The following PIAS2 variants were observed in gnomAD, a reference collection of about 807,000 sequenced individuals.
The protein encoded by PIAS2 is protein inhibitor of activated STAT 2.
Under a neutral mutation model 69.7 loss-of-function variants are expected in PIAS2, and 19 were observed. That is an observed-to-expected ratio of 0.27 (90% confidence interval 0.19 to 0.40). The LOEUF is 0.40. PIAS2 is among the 10% of genes least tolerant of loss of function. The pLI is 1.00. For missense variants in PIAS2, 624 were observed against 757.0 expected, an observed-to-expected ratio of 0.82 and a Z score of 2.06; for synonymous variants, 261 against 263.2, an observed-to-expected ratio of 0.99 and a Z score of 0.08.
chr18:46,880,617 T>TA (rs2052075774), intron 2 of PIAS2, among the ~76,000 whole-genome samples: 1 of 152,088 alleles, frequency 6.6e-6, no homozygotes, highest in African/African-American at 2.4e-5. Context: ...AAATAATTTT[T>TA]AAAAATTGGG....
intron 2 of PIAS2, among the ~76,000 whole-genome samples, chr18:46,876,171 G>A (rs913290156): frequency 3.3e-5 from 5 of 152,196 alleles, no homozygotes; most frequent in Admixed American, 6.5e-5. Context: ...CTTGTGCTCT[G>A]ATCCAATTGG....
In PIAS2 at chr18:46,890,959, C is replaced by T. The variant is rs771959981; in HGVS notation, c.120G>A (p.Arg40=). ...KSGRKHDLLM[R]ALHLLKSGCS... ...AGCCGCTCTTCAATAAATGCAGCGC[C>T]CTCATCAGGAGGTCATGCTTGCGTC... is the stretch of plus-strand genomic sequence containing the variant. Residue 40 remains arginine (R), a synonymous_variant, in exon 2 of 14, where the codon AGG becomes AGA. Transcript: ENST00000585916. 1 of 1,614,088 alleles carries T rather than the reference C, an allele frequency of 6.2e-7. No individual in the cohort carries two copies. The highest frequency in any genetic ancestry group is 1.1e-5 in the South Asian group (1 of 91,078).
intron 9 of PIAS2, among the ~76,000 whole-genome samples, chr18:46,830,834 C>T (rs2043501429): frequency 6.6e-6 from 1 of 152,072 alleles, no homozygotes; most frequent in South Asian, 2.1e-4. Context: ...CCACTACTTC[C>T]AACTCATTGT....
chr18:46,836,583 C>A lies in PIAS2; in HGVS notation c.1042-66G>T. ...AGAATGAGCTCAGAGGGAACATGGT[C>A]AGTTGTAAAAGTCGGAAGATGTCAT... is the stretch of plus-strand genomic sequence containing the variant. On this transcript the variant is annotated intron_variant, in intron 8 of 13. Transcript: ENST00000585916. 2.4e-6 allele frequency: 3 copies of A among 1,232,652 alleles called. No individual in the cohort carries two copies. The South Asian group carries it at 4.8e-5, about 20-fold the overall frequency. 76.4% of individuals were successfully genotyped at this position (1,232,652 alleles called of 1,614,324 possible). A position where few individuals can be genotyped will look rare whatever the true frequency, so the allele number is the denominator to read the frequency against.
chr18:46,895,739 T>A (rs568635121), intron 1 of PIAS2, among the ~76,000 whole-genome samples: 137 of 152,204 alleles, frequency 9.0e-4, no homozygotes, highest in Middle Eastern at 3.4e-3. Context: ...CAGATTAACA[T>A]AATCCCTCAA....
intron 11 of PIAS2, among the ~76,000 whole-genome samples, chr18:46,823,164 T>A (rs1180398648): frequency 6.6e-6 from 1 of 150,476 alleles, no homozygotes; most frequent in Non-Finnish European, 1.5e-5. Flanking sequence ...GTCCAGGAGG[T>A]AGAGGCTGCA....
intron 2 of PIAS2, among the ~76,000 whole-genome samples, chr18:46,887,308 T>A (rs1465880684): frequency 6.7e-6 from 1 of 149,994 alleles, no homozygotes; most frequent in Non-Finnish European, 1.5e-5. Context: ...CAGGCCATAC[T>A]AACCCCACTA....
chr18:46,825,408 C>T (rs1340720286), intron 11 of PIAS2, among the ~76,000 whole-genome samples: 1 of 152,148 alleles, frequency 6.6e-6, no homozygotes, highest in Non-Finnish European at 1.5e-5. Flanking sequence ...TCCACTGGAC[C>T]TAAATCTGGT....
intron 2 of PIAS2, among the ~76,000 whole-genome samples, chr18:46,877,970 C>T (rs866882362): frequency 1.3e-5 from 2 of 152,136 alleles, no homozygotes; most frequent in Admixed American, 6.5e-5. Flanking sequence ...TGAATTTTGG[C>T]ATAATCTTAT....
At position 46,882,451 on chromosome 18, in the gene PIAS2, T is replaced by C. The variant is rs964598331; in HGVS notation, c.499+8129A>G. ...ATTGGTGCAATGCTGTGGAAGCTACTGTCGAATTTCCCTCTAAAGGTGAAT... is the reference window on the plus strand; with the variant it reads ...ATTGGTGCAATGCTGTGGAAGCTACCGTCGAATTTCCCTCTAAAGGTGAAT... On this transcript the variant is annotated intron_variant, in intron 2 of 13. Transcript: ENST00000585916. 2.0e-5 allele frequency among the ~76,000 whole-genome samples: 3 copies of C among 152,192 alleles called. 1 individual carries two copies. The East Asian group carries it at 5.8e-4, about 29-fold the overall frequency.
In PIAS2 at chr18:46,803,416, G is replaced by C. The variant is rs1342032607; in HGVS notation, c.*9017C>G. 6.6e-6 allele frequency: 1 copy of C among 152,104 alleles called. No homozygotes were observed. Among genetic ancestry groups the C allele is most frequent in the South Asian group, 2.1e-4 (1 of 4,828 alleles). 9.4% of individuals were successfully genotyped at this position (152,104 alleles called of 1,614,324 possible). ...TATTTTTTGGCCTCTGTAATACCACGTTATTTTCCTTCAGTCTCAGCTGCT... is the reference window on the plus strand; with the variant it reads ...TATTTTTTGGCCTCTGTAATACCACCTTATTTTCCTTCAGTCTCAGCTGCT... On this transcript the variant is annotated 3_prime_UTR_variant, in exon 14 of 14. Coordinates refer to ENST00000585916, the MANE Select transcript of PIAS2 (RefSeq NM_004671.5).
chr18:46,878,770 C>T (rs11659693), intron 2 of PIAS2, among the ~76,000 whole-genome samples: 68,056 of 152,018 alleles, frequency 0.45, 15,310 homozygotes, highest in Middle Eastern at 0.52. Flanking sequence ...CAGGAGACTG[C>T]GGTAGCAGAA....
At chr18:46,840,577 C>T (rs2045231974) in intron 8 of PIAS2, among the ~76,000 whole-genome samples, 1 of 152,094 alleles carries the variant, frequency 6.6e-6, no homozygotes, top group Non-Finnish European at 1.5e-5. Flanking sequence ...CATACAGAAA[C>T]GAGAATATCC....
At chr18:46,846,512 T>C (rs2046186873) in intron 6 of PIAS2, 195 bp downstream of exon 6, 2 of 413,206 alleles carry the variant, frequency 4.8e-6, no homozygotes, top group Non-Finnish European at 8.4e-6. Flanking sequence ...AAAGAGATGA[T>C]ATTCAGGAAA....
At chr18:46,845,475 T>C (rs780107786) in intron 6 of PIAS2, among the ~76,000 whole-genome samples, 28 of 152,288 alleles carry the variant, frequency 1.8e-4, no homozygotes, top group Middle Eastern at 3.4e-3. Flanking sequence ...CAGCAGCTAC[T>C]ATAGTATGTA....
chr18:46,868,959 T>C (rs1359638427), intron 2 of PIAS2, among the ~76,000 whole-genome samples: 2 of 152,188 alleles, frequency 1.3e-5, no homozygotes, highest in Non-Finnish European at 2.9e-5. Flanking sequence ...TCACACACCA[T>C]GGCAACCAGG....
chr18:46,840,962 T>A (rs1555736828), intron 8 of PIAS2, among the ~76,000 whole-genome samples: 1 of 151,956 alleles, frequency 6.6e-6, no homozygotes, highest in Non-Finnish European at 1.5e-5. Flanking sequence ...CCAACTCTTT[T>A]CAGCAGGACT....
At chr18:46,868,527 A>C (rs749274337) in intron 2 of PIAS2, among the ~76,000 whole-genome samples, 3 of 152,102 alleles carry the variant, frequency 2.0e-5, no homozygotes, top group Non-Finnish European at 4.4e-5. Context: ...TTCAATTTTA[A>C]ATGGTAGCCA....
chr18:46,832,579 T>C (rs2043807825), intron 9 of PIAS2, among the ~76,000 whole-genome samples: 2 of 151,968 alleles, frequency 1.3e-5, no homozygotes, highest in Middle Eastern at 3.4e-3. Context: ...TATATACCAC[T>C]AGTATGATCT....
Sources: gnomAD v4.1 joint callset for allele counts (sites outside exome capture counted in the v4.1 genomes callset) on GRCh38, gnomAD v4.1.1 for gene constraint, MANE v1.5 for transcripts, NCBI Gene and HGNC (gene_info 2026-07-23, HGNC 2026-07-21) for gene names.